ARHGAP11B: variants seen among roughly 807,000 people sequenced by gnomAD.
ARHGAP11B encodes Rho GTPase activating protein 11B.
ARHGAP11B carries 14 observed loss-of-function variants against 27.6 expected under a neutral mutation model. That is an observed-to-expected ratio of 0.51 (90% CI 0.34 to 0.79). The LOEUF is 0.79. Among genes scored for constraint, ARHGAP11B ranks in the 30% least tolerant of loss-of-function variants. ARHGAP11B has a pLI of 0.02. For synonymous variants in ARHGAP11B, 82 were observed against 114.1 expected, an observed-to-expected ratio of 0.72 and a Z score of 1.80; for missense variants, 245 against 320.1, an observed-to-expected ratio of 0.77 and a Z score of 1.79.
At chr15:30,634,714 T>G (rs2060267894) in intron 4 of ARHGAP11B, among the ~76,000 whole-genome samples, 3 of 151,782 alleles carry the variant, frequency 2.0e-5, no homozygotes, top group East Asian at 1.9e-4. Flanking sequence ...ATTTCTGTTT[T>G]GCTTTTCAAA....
intron 7 of ARHGAP11B, among the ~76,000 whole-genome samples, chr15:30,640,492 T>A (rs972413605): frequency 7.0e-6 from 1 of 142,640 alleles, no homozygotes; most frequent in African/African-American, 2.6e-5. Flanking sequence ...AGAATTCAAG[T>A]TGGCTCATAT....
chr15:30,633,862 C>T (rs2060261482), intron 3 of ARHGAP11B, among the ~76,000 whole-genome samples: 1 of 151,712 alleles, frequency 6.6e-6, no homozygotes, highest in Non-Finnish European at 1.5e-5. Context: ...TGTTAGCCTT[C>T]TAGAAGGAGT....
intron 2 of ARHGAP11B, among the ~76,000 whole-genome samples, chr15:30,631,896 C>T (rs1418038562): frequency 1.3e-5 from 2 of 149,798 alleles, no homozygotes; most frequent in African/African-American, 4.9e-5. Context: ...AAGTGATTCT[C>T]CTGCCTCAGC....
chr15:30,640,816 A>G (rs1273498988), intron 7 of ARHGAP11B, among the ~76,000 whole-genome samples: 1 of 152,020 alleles, frequency 6.6e-6, no homozygotes, highest in Non-Finnish European at 1.5e-5. Context: ...TTGAAATGTG[A>G]TGATAGTAAC....
intron 3 of ARHGAP11B, 102 bp from the exon 4 acceptor site, chr15:30,634,068 A>G (rs1235489086): frequency 1.5e-6 from 2 of 1,372,768 alleles, no homozygotes; most frequent in African/African-American, 3.0e-5. Flanking sequence ...AGTTAAGAGA[A>G]ATTTATTAAA....
At chr15:30,644,334 A>G (rs1386608786) in intron 7 of ARHGAP11B, among the ~76,000 whole-genome samples, 1 of 152,068 alleles carries the variant, frequency 6.6e-6, no homozygotes, top group Non-Finnish European at 1.5e-5. Context: ...TACCCAATAG[A>G]TATTTGTTGA....
intron 7 of ARHGAP11B, among the ~76,000 whole-genome samples, chr15:30,640,839 GTCTGTAGCT>G (rs1380049228): frequency 1.3e-5 from 2 of 151,666 alleles, no homozygotes; most frequent in African/African-American, 2.4e-5. Flanking sequence ...TGAAGCTTAT[GTCTGTAGCT>G]TTTGCAGTGT....
At chr15:30,629,023 A>G (rs2060227084) in intron 1 of ARHGAP11B, among the ~76,000 whole-genome samples, 2 of 152,110 alleles carry the variant, frequency 1.3e-5, no homozygotes, top group Admixed American at 6.6e-5. Context: ...GGTTGCCCAT[A>G]CTAACATTTT....
intron 1 of ARHGAP11B, among the ~76,000 whole-genome samples, chr15:30,627,329 A>G (rs906238629): frequency 6.6e-6 from 1 of 152,052 alleles, no homozygotes; most frequent in African/African-American, 2.4e-5. Context: ...GTCTCCGGAT[A>G]TTGCCAGCTT....
intron 2 of ARHGAP11B, among the ~76,000 whole-genome samples, chr15:30,632,211 A>G (rs2060250323): frequency 2.4e-5 from 1 of 41,074 alleles, no homozygotes; most frequent in South Asian, 1.1e-3. Flanking sequence ...GCTTGAGCCC[A>G]GGAGTTCAAG....
At chr15:30,642,859 T>G (rs2060323503) in intron 7 of ARHGAP11B, among the ~76,000 whole-genome samples, 1 of 152,004 alleles carries the variant, frequency 6.6e-6, no homozygotes, top group African/African-American at 2.4e-5. Context: ...CTTAGCTGAG[T>G]TGGGTTATTT....
chr15:30,641,326 T>C (rs1296215824), intron 7 of ARHGAP11B, among the ~76,000 whole-genome samples: 1 of 149,410 alleles, frequency 6.7e-6, no homozygotes, highest in Non-Finnish European at 1.5e-5. Context: ...GAGTATCTAT[T>C]CATAATTGTC....
chr15:30,628,631 C>T lies in ARHGAP11B; in HGVS notation c.129+1682C>T. On this transcript the variant is annotated intron_variant, in intron 1 of 10. Coordinates refer to ENST00000428041, the Ensembl canonical transcript of ARHGAP11B. ...TGCCACTTCATCTAATGATAGTTGT[C>T]ATATCATTGGTCTGCCTCCTAATTG... Among the ~76,000 whole-genome samples the T allele has an allele frequency of 1.3e-5, 2 of 152,030 alleles. 1 individual carries two copies. The highest frequency in any genetic ancestry group is 2.9e-5 in the Non-Finnish European group (2 of 68,014).
chr15:30,649,171 A>T (rs1310737643), exon 11 of ARHGAP11B: 2 of 151,944 alleles, frequency 1.3e-5, no homozygotes, highest in Non-Finnish European at 2.9e-5. Context: ...TGCTTTTAAG[A>T]ATTGAAGTTT....
intron 2 of ARHGAP11B, among the ~76,000 whole-genome samples, chr15:30,632,439 G>A (rs1233726214): frequency 6.6e-6 from 1 of 151,444 alleles, no homozygotes; most frequent in Admixed American, 6.6e-5. Flanking sequence ...AAAAAAAAAA[G>A]CAGATTTTCG....
Position 30,635,365 on chromosome 15 carries a change from A to G in ARHGAP11B, c.661-122A>G, listed in dbSNP as rs560934228. 6.1e-5 allele frequency: 88 copies of G among 1,434,850 alleles called. No individual in the cohort carries two copies. In the East Asian group the frequency reaches 8.5e-4, roughly 14 times the overall value. 88.9% of individuals were successfully genotyped at this position (1,434,850 alleles called of 1,614,324 possible). A position where few individuals can be genotyped will look rare whatever the true frequency, so the allele number is the denominator to read the frequency against. ...ATATTACTGACCTCACCCCCACCCT[A>G]CAGTACCGGCCCCTCCTGCAAAGAA... is the stretch of plus-strand genomic sequence containing the variant. On this transcript the variant is annotated intron_variant, in intron 5 of 10. Coordinates refer to ENST00000428041, the Ensembl canonical transcript of ARHGAP11B.
At chr15:30,634,568 T>C (rs1420263172) in intron 4 of ARHGAP11B, 145 bp downstream of exon 4, 1 of 1,410,576 alleles carries the variant, frequency 7.1e-7, no homozygotes, top group Non-Finnish European at 9.5e-7. Flanking sequence ...TATACTCTAA[T>C]TTAAGAAACA....
chr15:30,648,311 A>G (rs1566786038), exon 11 of ARHGAP11B, among the ~76,000 whole-genome samples: 1 of 152,060 alleles, frequency 6.6e-6, no homozygotes, highest in Non-Finnish European at 1.5e-5. Flanking sequence ...TAGGAGCAGC[A>G]TACCAGGTGG....
At chr15:30,641,312 CAT>C in intron 7 of ARHGAP11B, among the ~76,000 whole-genome samples, 2 of 150,272 alleles carry the variant, frequency 1.3e-5, no homozygotes, top group East Asian at 3.9e-4. Context: ...GTCTGTAGTC[CAT>C]AGAGTATCTA....
Sources: allele counts gnomAD v4.1 joint callset (sites outside exome capture counted in the v4.1 genomes callset), GRCh38; gene constraint gnomAD v4.1.1; transcripts MANE v1.5; gene names NCBI Gene and HGNC (gene_info 2026-07-23, HGNC 2026-07-21).